WBP2: variants seen among roughly 807,000 people sequenced by gnomAD.
WBP2 encodes the protein WW domain binding protein 2.
A neutral mutation model predicts 33.0 loss-of-function variants in WBP2; 23 were observed. The ratio of observed to expected loss-of-function variants is 0.70; its 90% CI spans 0.50 to 0.99. The LOEUF is 0.99. Ranked by LOEUF, WBP2 falls within the 50% of genes least tolerant of loss-of-function variation. The probability of loss-of-function intolerance (pLI) is 0.00; values close to 1 mark genes in which losing one functional copy is unlikely to be tolerated. For missense variants in WBP2, 353 were observed against 358.0 expected, an observed-to-expected ratio of 0.99 and a Z score of 0.11; for synonymous variants, 153 against 133.5, an observed-to-expected ratio of 1.15 and a Z score of -1.01.
At chr17:75,847,079 T>A in intron 6 of WBP2, 95 bp from the exon 7 acceptor site, 1 of 1,390,544 alleles carries the variant, frequency 7.2e-7, no homozygotes, top group Non-Finnish European at 1.0e-6. Context: ...GGGCAGCTGG[T>A]GCTGGGGGTC....
chr17:75,855,275 G>A lies in WBP2; in HGVS notation c.23C>T (p.Ser8Leu), dbSNP rs1283924277. The change falls in exon 1 of 8, where the codon TCG (serine) becomes TTG (leucine). Residue 8 changes from serine (S) to leucine (L), a missense_variant. Coordinates refer to ENST00000254806, the MANE Select transcript of WBP2 (RefSeq NM_012478.4). Reference sequence around the variant, plus strand: ...ATTGACGATCACTCCGCCGCCCTCCGAGTGATTCTTGTTGAGCGCCATAGT... The same window carrying A: ...ATTGACGATCACTCCGCCGCCCTCCAAGTGATTCTTGTTGAGCGCCATAGT... MALNKNH[S>L]EGGGVIVNNT... 2 of 1,606,040 alleles carry A rather than the reference G, an allele frequency of 1.2e-6. No individual in the cohort carries two copies. The highest frequency in any genetic ancestry group is 1.7e-6 in the Non-Finnish European group (2 of 1,176,562).
At chr17:75,855,729 GA>G (rs1187544788), upstream of WBP2, among the ~76,000 whole-genome samples, 1 of 152,276 alleles carries the variant, frequency 6.6e-6, no homozygotes, top group Non-Finnish European at 1.5e-5. Context: ...CGCGTTAAGG[GA>G]AGTCCTGCTG....
rs114711605 is a variant in WBP2, at chr17:75,851,433, C to G, written c.168+135G>C. 1,698 of 654,988 alleles carry G rather than the reference C, an allele frequency of 2.6e-3. 20 individuals carry two copies. The African/African-American group carries it at 0.029, about 11-fold the overall frequency. The allele number at this position is 654,988 out of a possible 1,614,324, so 40.6% of individuals were successfully genotyped here. On this transcript the variant is annotated intron_variant, in intron 2 of 7. Coordinates refer to ENST00000254806, the MANE Select transcript of WBP2 (RefSeq NM_012478.4). ...CAGGAGCATGTGACAGAGAAACAGGCAGAGTGAAGCACTAACACTCACCAG... is the reference window on the plus strand; with the variant it reads ...CAGGAGCATGTGACAGAGAAACAGGGAGAGTGAAGCACTAACACTCACCAG...
upstream of WBP2, chr17:75,856,267 A>C (rs2065058112): frequency 6.6e-6 from 1 of 152,244 alleles, no homozygotes; most frequent in African/African-American, 2.4e-5. Context: ...TGCACCTCCG[A>C]GCTGAATCCG....
chr17:75,850,626 C>T (rs1046794987), intron 2 of WBP2, among the ~76,000 whole-genome samples: 3 of 152,106 alleles, frequency 2.0e-5, no homozygotes, highest in East Asian at 1.9e-4. Context: ...TTTTGAGACT[C>T]TCCTGTCTTT....
At chr17:75,851,723 G>GT in intron 1 of WBP2, 47 bp from the exon 2 acceptor site, 1 of 1,438,812 alleles carries the variant, frequency 7.0e-7, no homozygotes. Context: ...GTATGGAGAC[G>GT]CGACGTCACC....
At chr17:75,848,258 G>A in intron 4 of WBP2, 1 of 582,048 alleles carries the variant, frequency 1.7e-6, no homozygotes, top group Non-Finnish European at 3.1e-6. Flanking sequence ...CATTTTCAAT[G>A]GCTGCGGAAC....
At chr17:75,847,276 C>T (rs1463863316) in intron 6 of WBP2, 2 of 840,794 alleles carry the variant, frequency 2.4e-6, no homozygotes, top group East Asian at 2.7e-5. Flanking sequence ...ACCTTCCCCG[C>T]CCAGGGCACA....
At chr17:75,849,992 C>T (rs1248058714) in intron 2 of WBP2, among the ~76,000 whole-genome samples, 1 of 152,170 alleles carries the variant, frequency 6.6e-6, no homozygotes, top group Non-Finnish European at 1.5e-5. Flanking sequence ...GCAGGGCAGA[C>T]TGCTTTGTCA....
upstream of WBP2, among the ~76,000 whole-genome samples, chr17:75,856,078 G>T (rs946967015): frequency 6.6e-6 from 1 of 152,030 alleles, no homozygotes; most frequent in Non-Finnish European, 1.5e-5. Flanking sequence ...TCCCCCCTTA[G>T]CGCCCAGCGG....
intron 2 of WBP2, 127 bp downstream of exon 2, chr17:75,851,441 A>G (rs1263112483): frequency 2.3e-5 from 16 of 681,062 alleles, no homozygotes; most frequent in Non-Finnish European, 4.4e-5. Context: ...GGCAGAGTGA[A>G]GCACTAACAC....
In WBP2 at chr17:75,847,941, A is replaced by C; in HGVS notation, c.398-11T>G. ...CTTCACCTCTGGAGGCTACGAGTAC[A>C]AGGGGAAAGAGAAATGAGCGTGGCC... On this transcript the variant is annotated splice_polypyrimidine_tract_variant and intron_variant, in intron 4 of 7. Coordinates refer to ENST00000254806, the MANE Select transcript of WBP2 (RefSeq NM_012478.4). 1.3e-6 allele frequency: 2 copies of C among 1,562,852 alleles called. No homozygotes were observed. Among genetic ancestry groups the C allele is most frequent in the East Asian group, 4.8e-5 (2 of 41,494 alleles).
chr17:75,851,594 C>G lies in WBP2; in HGVS notation c.142G>C (p.Gly48Arg). Reference sequence around the variant, plus strand: ...CGGTAAGGGGTAAGGTAGACAGTGCCTTTCTTGGTCCCTTTGAAGGCTTCT... The same window carrying G: ...CGGTAAGGGGTAAGGTAGACAGTGCGTTTCTTGGTCCCTTTGAAGGCTTCT... Reference protein sequence around the residue: ...VPEAFKGTKKGTVYLTPYRVI... With the variant: ...VPEAFKGTKKRTVYLTPYRVI... Residue 48 changes from glycine (G) to arginine (R), a missense_variant, in exon 2 of 8, where the codon GGC becomes CGC. Gly to Arg is a moderately radical substitution (Grantham distance 125, BLOSUM62 -2). Transcript: ENST00000254806. The G allele has an allele frequency of 6.2e-7, 1 of 1,613,766 alleles. No individual in the cohort carries two copies. The highest frequency in any genetic ancestry group is 8.5e-7 in the Non-Finnish European group (1 of 1,179,734).
At chr17:75,856,014 C>G (rs1180698102), upstream of WBP2, among the ~76,000 whole-genome samples, 1 of 152,194 alleles carries the variant, frequency 6.6e-6, no homozygotes, top group Non-Finnish European at 1.5e-5. Context: ...ACCACGTTCG[C>G]AGGCCGGCCG....
chr17:75,849,579 G>T, intron 3 of WBP2, 25 bp downstream of exon 3: 2 of 1,613,446 alleles, frequency 1.2e-6, no homozygotes, highest in Non-Finnish European at 1.7e-6. Context: ...GGCCCCATGC[G>T]TGTCCCTGAG....
In WBP2 at chr17:75,851,575, G is replaced by C. The variant is rs770968991; in HGVS notation, c.161C>G (p.Pro54Arg). 1 of 1,612,498 alleles carries C rather than the reference G, an allele frequency of 6.2e-7. No individual in the cohort carries two copies. Among genetic ancestry groups the C allele is most frequent in the South Asian group, 1.1e-5 (1 of 91,028 alleles). ...GTKKGTVYLTPYRVIFLSKGK... is the reference protein window; with the variant it reads ...GTKKGTVYLTRYRVIFLSKGK... Reference sequence around the variant, plus strand: ...CCCTGCTGTGCAACTCACCCGGTAAGGGGTAAGGTAGACAGTGCCTTTCTT... The same window carrying C: ...CCCTGCTGTGCAACTCACCCGGTAACGGGTAAGGTAGACAGTGCCTTTCTT... Residue 54 changes from proline (P) to arginine (R), a missense_variant, in exon 2 of 8, where the codon CCT becomes CGT. By Grantham distance (103) the Pro-to-Arg change is moderately radical (BLOSUM62 -2). Coordinates refer to ENST00000254806, the MANE Select transcript of WBP2 (RefSeq NM_012478.4).
chr17:75,848,018 G>C (rs2065005783), intron 4 of WBP2, 88 bp from the exon 5 acceptor site: 1 of 1,509,868 alleles, frequency 6.6e-7, no homozygotes, highest in Non-Finnish European at 9.0e-7. Context: ...GGGAGCTACT[G>C]GGTCTCAGGA....
intron 2 of WBP2, 64 bp downstream of exon 2, chr17:75,851,504 T>C: frequency 7.6e-7 from 1 of 1,317,472 alleles, no homozygotes; most frequent in Non-Finnish European, 1.1e-6. Context: ...GACCTGAGAC[T>C]AAGACTCACG....
At chr17:75,855,339 C>T (rs1181811546), upstream of WBP2, 10 of 1,606,510 alleles carry the variant, frequency 6.2e-6, no homozygotes, top group African/African-American at 1.3e-5. Context: ...ACGCAATGAG[C>T]TTGCGCCCCT....
Sources: allele counts gnomAD v4.1 joint callset (sites outside exome capture counted in the v4.1 genomes callset), GRCh38; gene constraint gnomAD v4.1.1; transcripts MANE v1.5; gene names NCBI Gene and HGNC (gene_info 2026-07-23, HGNC 2026-07-21).